SUCLA2: variants seen among roughly 807,000 people sequenced by gnomAD.
SUCLA2 encodes the protein succinate-CoA ligase ADP-forming subunit beta, also known as succinate--CoA ligase [ADP-forming] subunit beta, mitochondrial.
Under a neutral mutation model 54.8 loss-of-function variants are expected in SUCLA2, and 30 were observed. That is an observed-to-expected ratio of 0.55 (90% CI 0.41 to 0.74). The LOEUF is 0.74. SUCLA2 is among the 30% of genes least tolerant of loss of function. The pLI, the probability that SUCLA2 is intolerant of heterozygous loss-of-function variation, is 0.00. For missense variants in SUCLA2, 476 were observed against 562.9 expected (o/e 0.85, Z 1.56); for synonymous variants, 172 against 188.9 (o/e 0.91, Z 0.74).
Position 47,949,546 on chromosome 13 carries a change from G to T in SUCLA2, c.1165C>A (p.Gln389Lys). 1.9e-6 allele frequency: 3 copies of T among 1,613,402 alleles called. No homozygotes were observed. The highest frequency in any genetic ancestry group is 2.5e-6 in the Non-Finnish European group (3 of 1,179,552). ...TCTTTTACTGCCATGACTATACCCT[G>T]TGCAATAACATCACAGCGCATGATT... is the stretch of plus-strand genomic sequence containing the variant. ...GGIMRCDVIA[Q>K]GIVMAVKDLE... Residue 389 changes from glutamine (Q) to lysine (K), a missense_variant, in exon 9 of 11, where the codon CAG becomes AAG. This residue lies in a region of SUCLA2 where 342 missense variants were observed against 444.2 expected (regional missense o/e 0.77). Coordinates refer to ENST00000646932, the MANE Select transcript of SUCLA2 (RefSeq NM_003850.3).
intron 6 of SUCLA2, among the ~76,000 whole-genome samples, chr13:47,958,589 T>C (rs1299865255): frequency 6.6e-6 from 1 of 152,236 alleles, no homozygotes; most frequent in Non-Finnish European, 1.5e-5. Flanking sequence ...CTGGATTTTA[T>C]ATTTGTCTCT....
chr13:47,943,130 G>T lies in SUCLA2; in HGVS notation c.*241C>A. On this transcript the variant is annotated 3_prime_UTR_variant, in exon 11 of 11. Coordinates refer to ENST00000646932, the MANE Select transcript of SUCLA2 (RefSeq NM_003850.3). Reference sequence around the variant, plus strand: ...AAATTGCAAGTTACGTTTTGTAGGAGAAGCAAAAAAGACTGGCTGCGACAA... The same window carrying T: ...AAATTGCAAGTTACGTTTTGTAGGATAAGCAAAAAAGACTGGCTGCGACAA... 1 of 474,426 alleles carries T rather than the reference G, an allele frequency of 2.1e-6. No individual in the cohort carries two copies. 29.4% of individuals were successfully genotyped at this position (474,426 alleles called of 1,614,324 possible).
intron 4 of SUCLA2, among the ~76,000 whole-genome samples, chr13:47,978,455 T>C (rs140357341): frequency 0.063 from 9,585 of 152,264 alleles, 356 homozygotes; most frequent in Middle Eastern, 0.095. Context: ...GAAAACTGGC[T>C]AGCCATATGC....
At chr13:47,946,391 T>C (rs547931136) in intron 10 of SUCLA2, among the ~76,000 whole-genome samples, 2 of 152,118 alleles carry the variant, frequency 1.3e-5, no homozygotes, top group African/African-American at 2.4e-5. Flanking sequence ...AATTAGCTTA[T>C]GTTTTTAAGA....
At chr13:47,975,416 G>A (rs1270492501) in intron 4 of SUCLA2, among the ~76,000 whole-genome samples, 1 of 151,912 alleles carries the variant, frequency 6.6e-6, no homozygotes, top group East Asian at 1.9e-4. Flanking sequence ...CTCCCAAAGT[G>A]CTGGGATTAT....
chr13:47,965,494 T>TAAAAAAAAAAA (rs35331016), intron 6 of SUCLA2: 4 of 311,166 alleles, frequency 1.3e-5, no homozygotes, highest in African/African-American at 7.9e-5. Flanking sequence ...ACCCCTTCTT[T>TAAAAAAAAAAA]AAAAAAAAAA....
At chr13:47,989,652 T>C (rs796861408) in intron 2 of SUCLA2, among the ~76,000 whole-genome samples, 3 of 152,344 alleles carry the variant, frequency 2.0e-5, no homozygotes, top group African/African-American at 7.2e-5. Flanking sequence ...ATTTCATGTC[T>C]TCCTAACACG....
intron 4 of SUCLA2, among the ~76,000 whole-genome samples, chr13:47,986,412 G>GTT (rs1382396914): frequency 6.6e-6 from 1 of 152,084 alleles, no homozygotes; most frequent in Non-Finnish European, 1.5e-5. Flanking sequence ...TTGAAAATTT[G>GTT]TTTTAAGTTT....
intron 4 of SUCLA2, among the ~76,000 whole-genome samples, chr13:47,983,027 AAAGT>A (rs1475171913): frequency 6.6e-6 from 1 of 152,186 alleles, no homozygotes; most frequent in African/African-American, 2.4e-5. Context: ...ACTGGTGTCT[AAAGT>A]AAGGGCAATC....
At chr13:47,992,280 TC>T (rs1950155604) in intron 2 of SUCLA2, among the ~76,000 whole-genome samples, 1 of 150,670 alleles carries the variant, frequency 6.6e-6, no homozygotes, top group African/African-American at 2.4e-5. Flanking sequence ...GTTCTTCTCT[TC>T]CCCGCAAAGT....
intron 6 of SUCLA2, among the ~76,000 whole-genome samples, chr13:47,959,990 T>C (rs1048757532): frequency 2.6e-5 from 4 of 152,248 alleles, no homozygotes; most frequent in African/African-American, 9.6e-5. Flanking sequence ...AATTTCTTGA[T>C]TGCACAAGAT....
Position 47,973,365 on chromosome 13 carries a change from C to G in SUCLA2, c.562G>C (p.Gly188Arg). 6.2e-7 allele frequency: 1 copy of G among 1,613,662 alleles called. No homozygotes were observed. Among genetic ancestry groups the G allele is most frequent in the Non-Finnish European group, 8.5e-7 (1 of 1,179,914 alleles). Residue 188 changes from glycine to arginine, a missense_variant, in exon 5 of 11, where the codon GGT becomes CGT. By Grantham distance (125) the Gly-to-Arg change is moderately radical. Transcript: ENST00000646932. ...QGPVLIGSSH[G>R]GVNIEDVAAE... ...GCAACATCTTCAATGTTGACACCAC[C>G]ATGTGAACTTCCTATTAATACAGGA... is the stretch of plus-strand genomic sequence containing the variant.
Position 47,997,115 on chromosome 13 carries a change from T to TA in SUCLA2, c.91-93dup, listed in dbSNP as rs1187275827. 6 of 1,301,040 alleles carry TA rather than the reference T, an allele frequency of 4.6e-6. No homozygotes were observed. The East Asian group carries it at 1.4e-4, about 30-fold the overall frequency. 80.6% of individuals were successfully genotyped at this position (1,301,040 alleles called of 1,614,324 possible). A position where few individuals can be genotyped will look rare whatever the true frequency, so the allele number is the denominator to read the frequency against. On this transcript the variant is annotated intron_variant, in intron 1 of 10. Transcript: ENST00000646932. ...TTCTTCATAACTATAACAAAACTGT[T>TA]ACATTACATTAGCAAAGTACAATAT...
At position 47,990,454 on chromosome 13, in the gene SUCLA2, CA is replaced by C. The variant is rs1454554740; in HGVS notation, c.272-1474del. ...CATGTACCACAAAAATATTATGTAT[CA>C]GTTAAAAAAAAAGAGTAATACCTCT... On this transcript the variant is annotated intron_variant, in intron 2 of 10. Transcript: ENST00000646932. 7.2e-5 allele frequency among the ~76,000 whole-genome samples: 11 copies of C among 151,958 alleles called. No individual in the cohort carries two copies. In the East Asian group the frequency reaches 2.1e-3, roughly 29 times the overall value.
intron 8 of SUCLA2, among the ~76,000 whole-genome samples, chr13:47,952,049 C>T (rs544597868): frequency 6.6e-6 from 1 of 151,046 alleles, no homozygotes; most frequent in Non-Finnish European, 1.5e-5. Flanking sequence ...TCTATTCCCT[C>T]AATTCCTCAT....
chr13:47,969,094 C>T (rs925686910), intron 5 of SUCLA2, among the ~76,000 whole-genome samples: 1 of 151,994 alleles, frequency 6.6e-6, no homozygotes, highest in Non-Finnish European at 1.5e-5. Flanking sequence ...AAATGTGAGC[C>T]GGGCACAGTG....
chr13:48,000,335 G>A (rs1950220618), intron 1 of SUCLA2, among the ~76,000 whole-genome samples: 1 of 152,162 alleles, frequency 6.6e-6, no homozygotes, highest in Admixed American at 6.5e-5. Flanking sequence ...TCAAGTACAC[G>A]GCTTTAGAAC....
chr13:47,962,446 G>C (rs1473759890), intron 6 of SUCLA2, among the ~76,000 whole-genome samples: 1 of 152,222 alleles, frequency 6.6e-6, no homozygotes, highest in African/African-American at 2.4e-5. Context: ...CAATTTGGAA[G>C]AATCTATGGG....
intron 6 of SUCLA2, among the ~76,000 whole-genome samples, chr13:47,965,194 G>A (rs1202347891): frequency 6.6e-6 from 1 of 151,786 alleles, no homozygotes; most frequent in African/African-American, 2.4e-5. Context: ...AGGGAATGAT[G>A]TAGTTAGAAA....
Sources: gnomAD v4.1 joint callset for allele counts (sites outside exome capture counted in the v4.1 genomes callset) on GRCh38, gnomAD v4.1.1 for gene constraint, gnomAD v4.1.1 regional missense constraint, MANE v1.5 for transcripts, NCBI Gene and HGNC (gene_info 2026-07-23, HGNC 2026-07-21) for gene names.